Variants in PRTG observed in about 807,000 individuals in gnomAD.
The protein encoded by PRTG is immunoglobulin superfamily, DCC subclass, member 5.
Under a neutral mutation model 122.5 loss-of-function variants are expected in PRTG, and 67 were observed. That is an observed-to-expected ratio of 0.55 (90% CI 0.45 to 0.67). The LOEUF is 0.67. Among genes scored for constraint, PRTG ranks in the 30% least tolerant of loss-of-function variants. PRTG has a pLI of 0.00. For missense variants in PRTG, 1,435 were observed against 1,415.4 expected (o/e 1.01, Z -0.22); for synonymous variants, 554 against 501.1 (o/e 1.11, Z -1.41).
intron 15 of PRTG, among the ~76,000 whole-genome samples, chr15:55,635,698 C>G (rs1310338867): frequency 6.6e-6 from 1 of 152,118 alleles, no homozygotes; most frequent in Non-Finnish European, 1.5e-5. Flanking sequence ...GATCAAAACT[C>G]CAGGTAAAGT....
At chr15:55,703,789 A>G (rs941568249) in intron 2 of PRTG, among the ~76,000 whole-genome samples, 1 of 152,244 alleles carries the variant, frequency 6.6e-6, no homozygotes, top group Non-Finnish European at 1.5e-5. Flanking sequence ...TTCTGTCTCC[A>G]TATGGCACTC....
At chr15:55,680,407 T>C in intron 5 of PRTG, 84 bp downstream of exon 5, 1 of 1,394,620 alleles carries the variant, frequency 7.2e-7, no homozygotes, top group Non-Finnish European at 9.5e-7. Context: ...TGTTTTTGTA[T>C]ATAAAATAAA....
chr15:55,636,935 C>A (rs1380516778), intron 15 of PRTG, among the ~76,000 whole-genome samples: 1 of 152,228 alleles, frequency 6.6e-6, no homozygotes, highest in South Asian at 2.1e-4. Flanking sequence ...GCGTGAGCCA[C>A]TGCGCCCGGC....
At chr15:55,652,576 C>G (rs566844826) in intron 11 of PRTG, among the ~76,000 whole-genome samples, 1 of 152,078 alleles carries the variant, frequency 6.6e-6, no homozygotes, top group Non-Finnish European at 1.5e-5. Context: ...GCCAGCGGTA[C>G]GGCCTGCTCT....
intron 12 of PRTG, 184 bp from the exon 13 acceptor site, chr15:55,640,012 G>C (rs2059280758): frequency 1.0e-6 from 1 of 961,578 alleles, no homozygotes; most frequent in Non-Finnish European, 1.2e-6. Flanking sequence ...AGTTATATAA[G>C]AAGTCAAAAA....
intron 2 of PRTG, among the ~76,000 whole-genome samples, chr15:55,718,889 C>T (rs761877697): frequency 2.6e-5 from 4 of 151,676 alleles, no homozygotes; most frequent in Admixed American, 6.6e-5. Context: ...ACTACAGGTG[C>T]ACACCGTCAT....
chr15:55,611,783 T>C lies in PRTG; in HGVS notation c.*8229A>G, dbSNP rs982933093. The stretch of plus-strand genomic sequence containing the variant: ...ATGTTTTAAGAAGACATTAAAAAGA[T>C]ACATTCAAAATCAAGGCAAACATTT... On this transcript the variant is annotated 3_prime_UTR_variant, in exon 20 of 20. Transcript: ENST00000389286. 1 of 151,878 alleles carries C rather than the reference T, an allele frequency of 6.6e-6. No individual in the cohort carries two copies. The highest frequency in any genetic ancestry group is 1.5e-5 in the Non-Finnish European group (1 of 67,918). The allele number at this position is 151,878 out of a possible 1,614,324, so 9.4% of individuals were successfully genotyped here.
intron 2 of PRTG, among the ~76,000 whole-genome samples, chr15:55,726,795 A>C (rs2031048023): frequency 6.6e-6 from 1 of 152,064 alleles, no homozygotes; most frequent in Non-Finnish European, 1.5e-5. Flanking sequence ...GAAAATGCGA[A>C]GAAAATTAGA....
At chr15:55,655,012 T>C (rs556662579) in intron 11 of PRTG, 2 of 152,284 alleles carry the variant, frequency 1.3e-5, no homozygotes, top group South Asian at 2.1e-4. Context: ...TGCAGATAGC[T>C]TGAAACCAAT....
At chr15:55,729,920 CAAG>C (rs2031170262) in intron 2 of PRTG, among the ~76,000 whole-genome samples, 1 of 152,102 alleles carries the variant, frequency 6.6e-6, no homozygotes, top group Non-Finnish European at 1.5e-5. Flanking sequence ...AGGATATACA[CAAG>C]AAAAGAAATT....
At chr15:55,643,332 C>T (rs929047762) in intron 11 of PRTG, among the ~76,000 whole-genome samples, 2 of 152,242 alleles carry the variant, frequency 1.3e-5, no homozygotes, top group Middle Eastern at 6.8e-3. Flanking sequence ...TTTGACTATC[C>T]TATAGAAAAT....
At chr15:55,696,003 A>C (rs2059630237) in intron 2 of PRTG, among the ~76,000 whole-genome samples, 1 of 152,048 alleles carries the variant, frequency 6.6e-6, no homozygotes, top group East Asian at 1.9e-4. Flanking sequence ...GGCCAGACAC[A>C]GTGGTTCACA....
At chr15:55,720,153 C>T (rs1461143197) in intron 2 of PRTG, among the ~76,000 whole-genome samples, 5 of 151,934 alleles carry the variant, frequency 3.3e-5, no homozygotes, top group Admixed American at 1.3e-4. Context: ...CCGAGGCAGG[C>T]GGATCACCTG....
rs2059123245 is a variant in PRTG, at chr15:55,612,197, T to C, written c.*7815A>G. ...TGCTAATCATCAGTAATAATTTTCATTTGCAAACAAAATAGATATCCAGAA... is the reference window on the plus strand; with the variant it reads ...TGCTAATCATCAGTAATAATTTTCACTTGCAAACAAAATAGATATCCAGAA... On this transcript the variant is annotated 3_prime_UTR_variant, in exon 20 of 20. Coordinates refer to ENST00000389286, the MANE Select transcript of PRTG (RefSeq NM_173814.6). 1 of 152,066 alleles carries C rather than the reference T, an allele frequency of 6.6e-6. No homozygotes were observed. The highest frequency in any genetic ancestry group is 2.4e-5 in the African/African-American group (1 of 41,436). 9.4% of individuals were successfully genotyped at this position (152,066 alleles called of 1,614,324 possible). A position where few individuals can be genotyped will look rare whatever the true frequency, so the allele number is the denominator to read the frequency against.
chr15:55,715,738 G>A (rs1328023476), intron 2 of PRTG, among the ~76,000 whole-genome samples: 1 of 152,140 alleles, frequency 6.6e-6, no homozygotes, highest in Non-Finnish European at 1.5e-5. Flanking sequence ...GATCCACAAA[G>A]GTTAACCTTT....
At chr15:55,739,364 A>T (rs2031539930) in intron 2 of PRTG, among the ~76,000 whole-genome samples, 1 of 151,450 alleles carries the variant, frequency 6.6e-6, no homozygotes, top group Non-Finnish European at 1.5e-5. Flanking sequence ...CCTCCTCAAT[A>T]GCTGGGATTA....
chr15:55,733,791 T>C (rs1044029513), intron 2 of PRTG, among the ~76,000 whole-genome samples: 1 of 151,912 alleles, frequency 6.6e-6, no homozygotes, highest in East Asian at 1.9e-4. Flanking sequence ...TGCACCACTG[T>C]ACTCCAGCCT....
At chr15:55,689,207 ATAGG>A (rs1375637599) in intron 2 of PRTG, among the ~76,000 whole-genome samples, 1 of 152,194 alleles carries the variant, frequency 6.6e-6, no homozygotes, top group Non-Finnish European at 1.5e-5. Context: ...AAAGGCTTCT[ATAGG>A]TTAATCCACT....
chr15:55,675,367 C>A lies in PRTG; in HGVS notation c.1546+152G>T, dbSNP rs551627399. ...GTGCTCTTTATCCTTATGTTACTGGCAAAAAGCAAGAGTGAGATTTTGAAC... is the reference window on the plus strand; with the variant it reads ...GTGCTCTTTATCCTTATGTTACTGGAAAAAAGCAAGAGTGAGATTTTGAAC... On this transcript the variant is annotated intron_variant, in intron 9 of 19. Coordinates refer to ENST00000389286, the MANE Select transcript of PRTG (RefSeq NM_173814.6). The A allele has an allele frequency of 3.8e-4, 191 of 504,970 alleles. 1 individual carries two copies. The highest frequency in any genetic ancestry group is 3.3e-3 in the African/African-American group (172 of 52,632). The allele number at this position is 504,970 out of a possible 1,614,324, so 31.3% of individuals were successfully genotyped here.
Sources: gnomAD v4.1 joint callset for allele counts (sites outside exome capture counted in the v4.1 genomes callset) on GRCh38, gnomAD v4.1.1 for gene constraint, MANE v1.5 for transcripts, NCBI Gene and HGNC (gene_info 2026-07-23, HGNC 2026-07-21) for gene names.